The following CCL28 variants were observed in gnomAD, a reference collection of about 807,000 sequenced individuals.
CCL28 encodes C-C motif chemokine 28.
In CCL28, 4 loss-of-function variants were observed where a neutral mutation model predicts 7.1. That is an observed-to-expected ratio of 0.56 (90% CI 0.28 to 1.29). The LOEUF (loss-of-function observed/expected upper bound fraction) is 1.29, where lower values mean the gene tolerates loss of function less well. CCL28 is among the 50% of genes most tolerant of loss of function. The pLI, the probability that CCL28 is intolerant of heterozygous loss-of-function variation, is 0.11. For missense variants in CCL28, 151 were observed against 163.4 expected (o/e 0.92, Z 0.41); for synonymous variants, 55 against 57.8 (o/e 0.95, Z 0.22).
chr5:43,387,169 G>C (rs975202928), intron 2 of CCL28, among the ~76,000 whole-genome samples: 2 of 152,170 alleles, frequency 1.3e-5, no homozygotes, highest in African/African-American at 4.8e-5. Flanking sequence ...AGTTTGGAGA[G>C]GGTATTTTAT....
downstream of CCL28, chr5:43,376,953 A>C (rs1311817338): frequency 6.6e-6 from 1 of 152,216 alleles, no homozygotes; most frequent in East Asian, 1.9e-4. Flanking sequence ...TCTATAGAGC[A>C]GTTAAGGGGA....
intron 1 of CCL28, among the ~76,000 whole-genome samples, chr5:43,396,044 G>A (rs1011557552): frequency 6.6e-6 from 1 of 151,754 alleles, no homozygotes; most frequent in African/African-American, 2.4e-5. Flanking sequence ...GCTAATTTTT[G>A]TATTTTTAGT....
At chr5:43,377,728 T>TC (rs1477163365), downstream of CCL28, among the ~76,000 whole-genome samples, 2 of 81,956 alleles carry the variant, frequency 2.4e-5, no homozygotes, top group East Asian at 5.0e-4. Flanking sequence ...TTTTTTTTTT[T>TC]TTTTTTTTTT....
chr5:43,357,684 G>T, the CCL28 span, among the ~76,000 whole-genome samples: 1 of 151,922 alleles, frequency 6.6e-6, no homozygotes, highest in South Asian at 2.1e-4. Context: ...TGAAAGAAAG[G>T]GGGGGAAAAA....
the CCL28 span, among the ~76,000 whole-genome samples, chr5:43,361,987 T>G: frequency 6.6e-6 from 1 of 152,180 alleles, no homozygotes; most frequent in Non-Finnish European, 1.5e-5. Context: ...AGGCTCTTTT[T>G]CGGTTCCATA....
chr5:43,381,860 C>G lies in CCL28; in HGVS notation c.384G>C (p.Ter128TyrextTer5). The change falls in exon 3 of 3, where the codon TAG (stop) becomes TAC (tyrosine). Residue 128 changes from the stop codon to tyrosine, a stop_lost. Transcript: ENST00000361115. ...CTCTGTAGATTTATCTGTAGACTCT[C>G]TAATAAGGAGTTTTATGGCCGTATG... ...HETYGHKTPY[*>Y] 1 of 1,612,080 alleles carries G rather than the reference C, an allele frequency of 6.2e-7. No individual in the cohort carries two copies.
At chr5:43,378,516 AG>A (rs113605906), downstream of CCL28, among the ~76,000 whole-genome samples, 8 of 152,350 alleles carry the variant, frequency 5.3e-5, no homozygotes, top group African/African-American at 1.9e-4. Context: ...GAAAACTTAA[AG>A]GATTAACGAG....
chr5:43,371,711 G>A (rs1189340577), downstream of CCL28, among the ~76,000 whole-genome samples: 6 of 152,178 alleles, frequency 3.9e-5, no homozygotes, highest in South Asian at 8.3e-4. Context: ...ATCCAGCTGA[G>A]CCACTCCCAA....
chr5:43,366,461 T>C, the CCL28 span, among the ~76,000 whole-genome samples: 7 of 152,214 alleles, frequency 4.6e-5, no homozygotes, highest in Admixed American at 1.3e-4. Flanking sequence ...GGAGGTCCAC[T>C]TCAGACCCTG....
chr5:43,364,882 T>G, the CCL28 span, among the ~76,000 whole-genome samples: 1 of 152,190 alleles, frequency 6.6e-6, no homozygotes, highest in East Asian at 1.9e-4. Flanking sequence ...TTGCAACCCC[T>G]GCTTTTTTTG....
chr5:43,412,160 A>C (rs1741558019), intron 1 of CCL28, 93 bp downstream of exon 1: 3 of 847,396 alleles, frequency 3.5e-6, no homozygotes, highest in Admixed American at 5.4e-5. Flanking sequence ...TTGAAGAGAT[A>C]GATATTCTTG....
downstream of CCL28, among the ~76,000 whole-genome samples, chr5:43,373,825 TC>T (rs2111643064): frequency 6.6e-6 from 1 of 152,346 alleles, no homozygotes; most frequent in Admixed American, 6.5e-5. Context: ...AAGCCGTTTC[TC>T]CTGTCCTACC....
At chr5:43,372,504 G>A (rs925971379), downstream of CCL28, among the ~76,000 whole-genome samples, 7 of 151,968 alleles carry the variant, frequency 4.6e-5, no homozygotes, top group African/African-American at 1.7e-4. Flanking sequence ...GATTAGTTGG[G>A]ATTACAGGTG....
intron 1 of CCL28, among the ~76,000 whole-genome samples, chr5:43,399,899 G>A (rs1316165161): frequency 6.7e-6 from 1 of 150,276 alleles, no homozygotes; most frequent in African/African-American, 2.5e-5. Flanking sequence ...AGGCTGGAGC[G>A]CAATGGTGTG....
intron 1 of CCL28, among the ~76,000 whole-genome samples, chr5:43,406,525 A>T (rs1235439370): frequency 6.6e-6 from 1 of 152,214 alleles, no homozygotes; most frequent in Non-Finnish European, 1.5e-5. Context: ...TTTATGACAA[A>T]CCCACAGCCA....
At chr5:43,387,774 T>C (rs1334480742) in intron 2 of CCL28, among the ~76,000 whole-genome samples, 1 of 152,082 alleles carries the variant, frequency 6.6e-6, no homozygotes, top group Non-Finnish European at 1.5e-5. Flanking sequence ...TACAGGTGCA[T>C]GCCACCATGC....
rs570784269 is a variant in CCL28, at chr5:43,384,358, T to C, written c.192-2306A>G. 2.0e-5 allele frequency among the ~76,000 whole-genome samples: 3 copies of C among 152,220 alleles called. No homozygotes were observed. In the South Asian group the frequency reaches 6.2e-4, roughly 32 times the overall value. On this transcript the variant is annotated intron_variant, in intron 2 of 2. Transcript: ENST00000361115. ...AGGCAACCTCTCAATGTAATTCAAC[T>C]GGGGAAAAAAATCAGCTACCAGAAT...
chr5:43,399,056 A>G (rs570358251), intron 1 of CCL28, among the ~76,000 whole-genome samples: 72 of 152,282 alleles, frequency 4.7e-4, no homozygotes, highest in Non-Finnish European at 7.6e-4. Context: ...TCCACCTGCC[A>G]TTGAATATGC....
At chr5:43,409,735 T>G (rs1741457080) in intron 1 of CCL28, among the ~76,000 whole-genome samples, 1 of 152,094 alleles carries the variant, frequency 6.6e-6, no homozygotes, top group Non-Finnish European at 1.5e-5. Context: ...CCTCCTAACT[T>G]GAATCTGCTG....
Sources: allele counts gnomAD v4.1 joint callset (sites outside exome capture counted in the v4.1 genomes callset), GRCh38; gene constraint gnomAD v4.1.1; transcripts MANE v1.5; gene names NCBI Gene and HGNC (gene_info 2026-07-23, HGNC 2026-07-21).